Variants in SULT1E1 observed in about 807,000 individuals in gnomAD.
The protein encoded by SULT1E1 is sulfotransferase family 1E member 1, also known as sulfotransferase 1E1.
SULT1E1 carries 36 observed loss-of-function variants against 33.6 expected under a neutral mutation model. The ratio of observed to expected loss-of-function variants is 1.07; its 90% CI spans 0.82 to 1.41. The LOEUF (loss-of-function observed/expected upper bound fraction) is 1.41. Among genes scored for constraint, SULT1E1 ranks in the 40% most tolerant of loss-of-function variants. SULT1E1 has a pLI of 0.00. For missense variants in SULT1E1, 371 were observed against 345.7 expected, an observed-to-expected ratio of 1.07 and a Z score of -0.58; for synonymous variants, 121 against 111.7, an observed-to-expected ratio of 1.08 and a Z score of -0.53.
At chr4:69,823,356 C>T in the SULT1E1 span, among the ~76,000 whole-genome samples, 11 of 152,126 alleles carry the variant, frequency 7.2e-5, no homozygotes, top group African/African-American at 2.2e-4. Context: ...TCTCCTTCAA[C>T]GTAGCTTCCA....
the SULT1E1 span, among the ~76,000 whole-genome samples, chr4:69,821,271 G>A: frequency 0.76 from 115,084 of 152,120 alleles, 44,828 homozygotes; most frequent in Non-Finnish European, 0.85. Flanking sequence ...AATGTTCAGC[G>A]GTTTATCACT....
the SULT1E1 span, among the ~76,000 whole-genome samples, chr4:69,832,922 C>T: frequency 6.6e-6 from 1 of 152,130 alleles, no homozygotes; most frequent in South Asian, 2.1e-4. Context: ...CCTCACATCT[C>T]TATATTGAGG....
At chr4:69,846,000 C>A (rs1450491647) in intron 6 of SULT1E1, among the ~76,000 whole-genome samples, 4 of 150,154 alleles carry the variant, frequency 2.7e-5, no homozygotes, top group Non-Finnish European at 4.5e-5. Flanking sequence ...TACTGAAATA[C>A]CATAAAGGAT....
At chr4:69,848,873 G>A (rs1721039512) in intron 5 of SULT1E1, among the ~76,000 whole-genome samples, 1 of 151,654 alleles carries the variant, frequency 6.6e-6, no homozygotes, top group Non-Finnish European at 1.5e-5. Flanking sequence ...TAATAAAAAC[G>A]AAAAATTTTC....
intron 6 of SULT1E1, among the ~76,000 whole-genome samples, chr4:69,845,500 T>C (rs1720955288): frequency 1.3e-5 from 2 of 151,354 alleles, no homozygotes; most frequent in African/African-American, 4.8e-5. Flanking sequence ...TATATGTATA[T>C]ATGGGTGCAA....
chr4:69,842,073 A>C lies in SULT1E1; in HGVS notation c.806T>G (p.Val269Gly). The C allele has an allele frequency of 1.2e-6, 2 of 1,610,834 alleles. No homozygotes were observed. Among genetic ancestry groups the C allele is most frequent in the Non-Finnish European group, 1.7e-6 (2 of 1,178,674 alleles). The change falls in exon 8 of 8, where the codon GTA becomes GGA. Residue 269 changes from valine (V) to glycine (G), a missense_variant. Coordinates refer to ENST00000226444, the MANE Select transcript of SULT1E1 (RefSeq NM_005420.3). The stretch of plus-strand genomic sequence containing the variant: ...TTTATCAAATTTTTCATTCAGGGCT[A>C]CTGTAAAGTGATTTTTCCAGTCTCC... Reference protein sequence around the residue: ...ITGDWKNHFTVALNEKFDKHY... With the variant: ...ITGDWKNHFTGALNEKFDKHY...
At chr4:69,849,675 T>C in intron 4 of SULT1E1, 112 bp from the exon 5 acceptor site, 1 of 937,396 alleles carries the variant, frequency 1.1e-6, no homozygotes. Context: ...TACACATTAA[T>C]TTTACAAAAT....
intron 6 of SULT1E1, among the ~76,000 whole-genome samples, chr4:69,846,612 G>A (rs540819354): frequency 4.0e-5 from 6 of 151,766 alleles, no homozygotes; most frequent in African/African-American, 1.4e-4. Flanking sequence ...ACAAGTCAGA[G>A]TTTTTCTAGA....
intron 1 of SULT1E1, among the ~76,000 whole-genome samples, chr4:69,858,139 AT>A (rs760157737): frequency 6.6e-6 from 1 of 152,144 alleles, no homozygotes; most frequent in Non-Finnish European, 1.5e-5. Flanking sequence ...AATATGTATC[AT>A]TTTTTTAAAT....
the SULT1E1 span, among the ~76,000 whole-genome samples, chr4:69,834,300 T>C: frequency 1.3e-5 from 2 of 152,324 alleles, no homozygotes; most frequent in Admixed American, 6.5e-5. Flanking sequence ...GAATTCATCA[T>C]TGTATCCATA....
the SULT1E1 span, among the ~76,000 whole-genome samples, chr4:69,821,338 A>T: frequency 6.6e-6 from 1 of 152,188 alleles, no homozygotes; most frequent in Non-Finnish European, 1.5e-5. Context: ...TAGTCTGTTG[A>T]TACCTAAGAA....
intron 7 of SULT1E1, among the ~76,000 whole-genome samples, chr4:69,843,045 C>A (rs554963148): frequency 2.9e-4 from 44 of 152,144 alleles, no homozygotes; most frequent in African/African-American, 9.9e-4. Flanking sequence ...ACTGTGTTAG[C>A]CAGGATGGTC....
At chr4:69,851,637 G>A (rs1721110645) in intron 4 of SULT1E1, among the ~76,000 whole-genome samples, 1 of 152,082 alleles carries the variant, frequency 6.6e-6, no homozygotes, top group South Asian at 2.1e-4. Context: ...TATACCCAAA[G>A]GATTATAAAT....
the SULT1E1 span, among the ~76,000 whole-genome samples, chr4:69,827,192 G>C: frequency 6.6e-6 from 1 of 152,176 alleles, no homozygotes; most frequent in Non-Finnish European, 1.5e-5. Context: ...CACTTGGAGA[G>C]ATGTCATGCT....
chr4:69,847,240 A>T (rs1362001851), intron 6 of SULT1E1, among the ~76,000 whole-genome samples: 1 of 151,498 alleles, frequency 6.6e-6, no homozygotes, highest in East Asian at 1.9e-4. Flanking sequence ...TGCTCTGTCA[A>T]TTTTAATAGT....
chr4:69,829,573 A>G, the SULT1E1 span, among the ~76,000 whole-genome samples: 219 of 152,248 alleles, frequency 1.4e-3, no homozygotes, highest in African/African-American at 5.0e-3. Context: ...ACCATAGCCT[A>G]TGGGTGAGCT....
chr4:69,839,834 C>T, downstream of SULT1E1, among the ~76,000 whole-genome samples: 1 of 152,192 alleles, frequency 6.6e-6, no homozygotes, highest in East Asian at 1.9e-4. Context: ...CGTATTACTT[C>T]TCCAAAGAAG....
At chr4:69,823,650 T>TA in the SULT1E1 span, among the ~76,000 whole-genome samples, 2 of 152,200 alleles carry the variant, frequency 1.3e-5, no homozygotes, top group Non-Finnish European at 2.9e-5. Context: ...CTCCAGCAGT[T>TA]AAAAGTCCTC....
At chr4:69,832,473 T>C in the SULT1E1 span, among the ~76,000 whole-genome samples, 1 of 152,202 alleles carries the variant, frequency 6.6e-6, no homozygotes, top group African/African-American at 2.4e-5. Flanking sequence ...GTCCAAAGAC[T>C]GGGCCCCGAA....
Sources: allele counts gnomAD v4.1 joint callset (sites outside exome capture counted in the v4.1 genomes callset), GRCh38; gene constraint gnomAD v4.1.1; transcripts MANE v1.5; gene names NCBI Gene and HGNC (gene_info 2026-07-23, HGNC 2026-07-21).